CAST: variants seen among roughly 807,000 people sequenced by gnomAD.
CAST encodes the protein MIR583 host.
Under a neutral mutation model 119.6 loss-of-function variants are expected in CAST, and 76 were observed. That is an observed-to-expected ratio of 0.64 (90% CI 0.53 to 0.77). The LOEUF is 0.77. Among genes scored for constraint, CAST ranks in the 30% least tolerant of loss-of-function variants. The pLI is 0.00. For synonymous variants in CAST, 319 were observed against 331.6 expected (o/e 0.96, Z 0.41); for missense variants, 953 against 946.5 (o/e 1.01, Z -0.09).
chr5:96,541,138 T>C (rs1208664144), intron 1 of CAST, among the ~76,000 whole-genome samples: 1 of 152,208 alleles, frequency 6.6e-6, no homozygotes, highest in Non-Finnish European at 1.5e-5. Flanking sequence ...GAGAAACTTG[T>C]GTCCTCTCTC....
At chr5:96,409,493 A>T in the CAST span, among the ~76,000 whole-genome samples, 1 of 152,192 alleles carries the variant, frequency 6.6e-6, no homozygotes, top group Non-Finnish European at 1.5e-5. Flanking sequence ...GACTGTCTCA[A>T]ATAGAATCCA....
the CAST span, among the ~76,000 whole-genome samples, chr5:96,440,281 T>C: frequency 6.6e-6 from 1 of 152,096 alleles, no homozygotes; most frequent in Non-Finnish European, 1.5e-5. Flanking sequence ...GCCTGCCTTA[T>C]TCCACTCAGT....
intron 15 of CAST, chr5:96,742,339 CT>C (rs374980021): frequency 6.7e-3 from 1,303 of 193,666 alleles, no homozygotes; most frequent in East Asian, 0.012. Flanking sequence ...CTACTTGCTT[CT>C]TTTTTTTTTG....
chr5:96,467,269 A>C, the CAST span, among the ~76,000 whole-genome samples: 1 of 146,248 alleles, frequency 6.8e-6, no homozygotes, highest in African/African-American at 2.4e-5. Flanking sequence ...AATATACTCT[A>C]TTAGTATATA....
At chr5:96,608,384 A>G (rs1226742639) in intron 1 of CAST, among the ~76,000 whole-genome samples, 1 of 152,188 alleles carries the variant, frequency 6.6e-6, no homozygotes, top group Non-Finnish European at 1.5e-5. Flanking sequence ...TATGGAAATG[A>G]GGTTAACAGT....
the CAST span, among the ~76,000 whole-genome samples, chr5:96,420,497 T>C: frequency 6.6e-6 from 1 of 152,120 alleles, no homozygotes; most frequent in African/African-American, 2.4e-5. Context: ...GGTTAACCCC[T>C]TTAGTCACCC....
At chr5:96,132,091 G>T in the CAST span, among the ~76,000 whole-genome samples, 25 of 152,226 alleles carry the variant, frequency 1.6e-4, no homozygotes, top group African/African-American at 5.3e-4. Flanking sequence ...AGTATCTGAA[G>T]CTACTCAATC....
the CAST span, among the ~76,000 whole-genome samples, chr5:96,191,930 T>C: frequency 6.6e-6 from 1 of 152,176 alleles, no homozygotes; most frequent in Non-Finnish European, 1.5e-5. Flanking sequence ...CAAATATAAT[T>C]TCACGGTGAC....
the CAST span, among the ~76,000 whole-genome samples, chr5:96,487,063 GGGCGCTTTT>G: frequency 6.6e-6 from 1 of 151,510 alleles, no homozygotes. Flanking sequence ...GAGTATGTGA[GGGCGCTTTT>G]GGTTGTTGTA....
the CAST span, among the ~76,000 whole-genome samples, chr5:96,460,293 G>C: frequency 4.7e-4 from 71 of 152,182 alleles, no homozygotes; most frequent in African/African-American, 1.6e-3. Flanking sequence ...TGGACACAGA[G>C]AGAAGAATTG....
chr5:96,230,700 T>A, the CAST span, among the ~76,000 whole-genome samples: 1 of 151,992 alleles, frequency 6.6e-6, no homozygotes, highest in Non-Finnish European at 1.5e-5. Context: ...ATCAGGAAGG[T>A]GAAAAGAAGG....
chr5:96,364,529 A>G, the CAST span, among the ~76,000 whole-genome samples: 1 of 152,156 alleles, frequency 6.6e-6, no homozygotes, highest in African/African-American at 2.4e-5. Flanking sequence ...CAGAGATTCA[A>G]CTTCTTCCTG....
chr5:96,119,486 C>A, the CAST span, among the ~76,000 whole-genome samples: 1 of 152,240 alleles, frequency 6.6e-6, no homozygotes, highest in South Asian at 2.1e-4. Flanking sequence ...AGAGCAGCAG[C>A]TGCTTGTTTG....
At chr5:96,607,156 T>C (rs921313797) in intron 1 of CAST, among the ~76,000 whole-genome samples, 9 of 151,944 alleles carry the variant, frequency 5.9e-5, no homozygotes, top group Admixed American at 3.9e-4. Context: ...GGCGTGGTGG[T>C]GGGCGCCTGT....
chr5:96,739,485 A>T (rs190642240), intron 11 of CAST, among the ~76,000 whole-genome samples: 81 of 152,382 alleles, frequency 5.3e-4, no homozygotes, highest in Admixed American at 5.0e-3. Context: ...TTTATATAAC[A>T]TTGGAAAATA....
chr5:95,998,743 A>G, the CAST span, among the ~76,000 whole-genome samples: 2 of 152,080 alleles, frequency 1.3e-5, no homozygotes, highest in Non-Finnish European at 2.9e-5. Flanking sequence ...CTTGTGATAG[A>G]ATGATTTCTT....
the CAST span, among the ~76,000 whole-genome samples, chr5:96,075,042 G>T: frequency 6.6e-6 from 1 of 152,174 alleles, no homozygotes; most frequent in African/African-American, 2.4e-5. Flanking sequence ...AAGAAAAGCT[G>T]CACTGAAATG....
chr5:96,750,809 T>C, intron 20 of CAST, 127 bp downstream of exon 20: 1 of 527,092 alleles, frequency 1.9e-6, no homozygotes, highest in Non-Finnish European at 3.4e-6. Context: ...TCTGATATCA[T>C]TATAGTATCT....
intron 1 of CAST, among the ~76,000 whole-genome samples, 154 bp from the exon 2 acceptor site, chr5:96,675,385 G>T (rs1422166073): frequency 6.6e-6 from 1 of 152,190 alleles, no homozygotes; most frequent in East Asian, 1.9e-4. Flanking sequence ...ATTTTTGAGA[G>T]CCACCTATGT....
Sources: allele counts gnomAD v4.1 joint callset (sites outside exome capture counted in the v4.1 genomes callset), GRCh38; gene constraint gnomAD v4.1.1; transcripts MANE v1.5; gene names NCBI Gene and HGNC (gene_info 2026-07-23, HGNC 2026-07-21).